The following CWC27 variants were observed in gnomAD, a reference collection of about 807,000 sequenced individuals.
CWC27 encodes the protein CWC27 spliceosome associated cyclophilin.
CWC27 carries 47 observed loss-of-function variants against 63.6 expected under a neutral mutation model. That is an observed-to-expected ratio of 0.74 (90% CI 0.58 to 0.94). The LOEUF (loss-of-function observed/expected upper bound fraction) is 0.94, where lower values mean the gene tolerates loss of function less well. Among genes scored for constraint, CWC27 ranks in the 40% least tolerant of loss-of-function variants. The pLI is 0.00. For synonymous variants in CWC27, 175 were observed against 179.8 expected (o/e 0.97, Z 0.22); for missense variants, 495 against 554.3 (o/e 0.89, Z 1.07).
At chr5:64,874,775 A>T (rs566250547) in intron 10 of CWC27, among the ~76,000 whole-genome samples, 1 of 151,796 alleles carries the variant, frequency 6.6e-6, no homozygotes. Context: ...AGTGAGCTAA[A>T]CATATGTATT....
In CWC27 at chr5:64,843,047, A is replaced by G. The variant is rs552891578; in HGVS notation, c.938+38661A>G. Among the ~76,000 whole-genome samples the G allele has an allele frequency of 4.6e-5, 7 of 152,212 alleles. No individual in the cohort carries two copies. The South Asian group carries it at 1.2e-3, about 27-fold the overall frequency. ...CATTAATGTTAATGTTACAAGGTTT[A>G]CTCTTTCAAGGTTTTGTGTAAGGAT... is the stretch of plus-strand genomic sequence containing the variant. On this transcript the variant is annotated intron_variant, in intron 10 of 13. Transcript: ENST00000381070.
At chr5:64,881,129 G>C (rs1044362410) in intron 10 of CWC27, among the ~76,000 whole-genome samples, 2 of 151,936 alleles carry the variant, frequency 1.3e-5, no homozygotes, top group Non-Finnish European at 2.9e-5. Flanking sequence ...CAAGAGTTAT[G>C]GATTCCACAG....
chr5:64,831,683 A>T lies in CWC27; in HGVS notation c.938+27297A>T, dbSNP rs991354636. Among the ~76,000 whole-genome samples, 3 of 151,972 alleles carry T rather than the reference A, an allele frequency of 2.0e-5. 1 individual carries two copies. In the South Asian group the frequency reaches 6.2e-4, roughly 31 times the overall value. On this transcript the variant is annotated intron_variant, in intron 10 of 13. Transcript: ENST00000381070. ...CCTGTGACACACAATTGACTCATGT[A>T]ACAAACCTGCTCATGTACCCCTTGA...
chr5:64,792,231 T>A (rs539611982), intron 7 of CWC27, among the ~76,000 whole-genome samples: 1 of 152,266 alleles, frequency 6.6e-6, no homozygotes, highest in African/African-American at 2.4e-5. Context: ...TTTTAAAAAT[T>A]AAGAATCCTA....
chr5:64,778,184 T>C (rs891395541), intron 2 of CWC27, among the ~76,000 whole-genome samples: 1 of 151,724 alleles, frequency 6.6e-6, no homozygotes, highest in Non-Finnish European at 1.5e-5. Context: ...GCTTCATAAG[T>C]AGTTCTTGAA....
At chr5:65,016,374 G>A (rs991074001) in intron 13 of CWC27, among the ~76,000 whole-genome samples, 4 of 152,004 alleles carry the variant, frequency 2.6e-5, no homozygotes, top group African/African-American at 7.3e-5. Context: ...GGTGGCATGC[G>A]CTTGTAATCT....
intron 13 of CWC27, among the ~76,000 whole-genome samples, chr5:65,000,725 A>C (rs1749717436): frequency 6.6e-6 from 1 of 152,002 alleles, no homozygotes; most frequent in Admixed American, 6.6e-5. Context: ...TTTGGTCACT[A>C]TAACTTTGTA....
intron 11 of CWC27, among the ~76,000 whole-genome samples, chr5:64,938,512 A>T (rs1748406177): frequency 6.6e-6 from 1 of 152,150 alleles, no homozygotes; most frequent in Non-Finnish European, 1.5e-5. Flanking sequence ...GGGTAACCTG[A>T]CCTTTCTCCC....
intron 12 of CWC27, chr5:64,972,820 G>A: frequency 8.7e-6 from 3 of 346,520 alleles, no homozygotes; most frequent in South Asian, 7.2e-5. Context: ...ACTAATCACT[G>A]TATTTGGCAG....
At chr5:64,857,983 A>G (rs1746294920) in intron 10 of CWC27, among the ~76,000 whole-genome samples, 1 of 145,690 alleles carries the variant, frequency 6.9e-6, no homozygotes. Flanking sequence ...TAAAAATACA[A>G]AAAAATTAGC....
At chr5:64,816,242 CA>C in intron 10 of CWC27, among the ~76,000 whole-genome samples, 1 of 152,054 alleles carries the variant, frequency 6.6e-6, no homozygotes, top group East Asian at 1.9e-4. Context: ...GGTGTCCACT[CA>C]ATTATGCCAT....
At chr5:64,824,188 T>G (rs571067954) in intron 10 of CWC27, among the ~76,000 whole-genome samples, 1 of 152,286 alleles carries the variant, frequency 6.6e-6, no homozygotes, top group Non-Finnish European at 1.5e-5. Context: ...CATCTATGTG[T>G]TTTTTAAATA....
rs113953772 is a variant in CWC27, at chr5:64,770,973, A to G, written c.42+1785A>G. ...CTCTATGCTAGGTTTTAGGGAGACA[A>G]TGGAAAGAAAACACAGCATTGACTC... On this transcript the variant is annotated intron_variant, in intron 1 of 13. Transcript: ENST00000381070. Among the ~76,000 whole-genome samples, 37 of 152,342 alleles carry G rather than the reference A, an allele frequency of 2.4e-4. 1 individual carries two copies. Among genetic ancestry groups the G allele is most frequent in the African/African-American group, 8.4e-4 (35 of 41,586 alleles).
intron 11 of CWC27, among the ~76,000 whole-genome samples, chr5:64,905,096 G>A (rs192344364): frequency 1.5e-3 from 228 of 151,018 alleles, no homozygotes; most frequent in African/African-American, 4.8e-3. Context: ...AGCTACTCAG[G>A]AGGCTGAGGC....
rs748601257 is a variant in CWC27, at chr5:64,885,519, G to A, written c.1015G>A (p.Ala339Thr). The change falls in exon 11 of 14, where the codon GCA becomes ACA. Residue 339 changes from alanine to threonine, a missense_variant. Physicochemically the swap from Ala to Thr is moderately conservative, Grantham distance 58 (BLOSUM62 0). Transcript: ENST00000381070. ...AAKQKKVENA[A>T]KQAEKRSEEE... ...AAAACAAAAAAAAGTAGAAAATGCA[G>A]CAAAACAAGCAGAAAAAAGAAGTGA... is the stretch of plus-strand genomic sequence containing the variant. 3.1e-6 allele frequency: 5 copies of A among 1,602,978 alleles called. No homozygotes were observed. In the South Asian group the frequency reaches 3.4e-5, roughly 11 times the overall value.
rs1160890149 is a variant in CWC27, at chr5:64,820,547, G to GA, written c.938+16170dup. 1.9e-4 allele frequency among the ~76,000 whole-genome samples: 28 copies of GA among 149,040 alleles called. No homozygotes were observed. In the East Asian group the frequency reaches 2.3e-3, roughly 12 times the overall value. On this transcript the variant is annotated intron_variant, in intron 10 of 13. Transcript: ENST00000381070. The stretch of plus-strand genomic sequence containing the variant: ...ACATACCTATTAAATCTTAAAGAAG[G>GA]AAAAAAAAAGAAAAGATGGTTAAAA...
chr5:64,879,612 G>A (rs1746887849), intron 10 of CWC27, among the ~76,000 whole-genome samples: 1 of 151,810 alleles, frequency 6.6e-6, no homozygotes, highest in Non-Finnish European at 1.5e-5. Flanking sequence ...CAACAAAGTT[G>A]GATTCTTTTC....
chr5:64,986,176 T>A (rs1259092323), intron 13 of CWC27, among the ~76,000 whole-genome samples: 2 of 152,150 alleles, frequency 1.3e-5, no homozygotes, highest in East Asian at 3.8e-4. Flanking sequence ...ATGTGGAACA[T>A]GAAAACATAA....
intron 12 of CWC27, among the ~76,000 whole-genome samples, chr5:64,975,211 A>G (rs1161312410): frequency 6.6e-6 from 1 of 152,148 alleles, no homozygotes; most frequent in Non-Finnish European, 1.5e-5. Flanking sequence ...TCTTGCAGTT[A>G]TTTTGACACC....
Sources: gnomAD v4.1 joint callset for allele counts (sites outside exome capture counted in the v4.1 genomes callset) on GRCh38, gnomAD v4.1.1 for gene constraint, MANE v1.5 for transcripts, NCBI Gene and HGNC (gene_info 2026-07-23, HGNC 2026-07-21) for gene names.